Variants in SNTB1 observed in about 807,000 individuals in gnomAD.
SNTB1 encodes syntrophin beta 1.
Under a neutral mutation model 48.9 loss-of-function variants are expected in SNTB1, and 36 were observed. That is an observed-to-expected ratio of 0.74 (90% confidence interval 0.56 to 0.97). The LOEUF (loss-of-function observed/expected upper bound fraction) is 0.97. Ranked by LOEUF, SNTB1 falls within the 50% of genes least tolerant of loss-of-function variation. The pLI is 0.00. For missense variants in SNTB1, 786 were observed against 703.4 expected (o/e 1.12, Z -1.33); for synonymous variants, 299 against 294.6 (o/e 1.01, Z -0.15).
chr8:120,718,651 G>A (rs76188104), intron 1 of SNTB1, among the ~76,000 whole-genome samples: 15,450 of 152,234 alleles, frequency 0.1, 982 homozygotes, highest in East Asian at 0.21. Flanking sequence ...ACTGCTTCCG[G>A]AAGGGGAAGG....
At chr8:120,624,605 T>C (rs990872151) in intron 3 of SNTB1, among the ~76,000 whole-genome samples, 3 of 152,150 alleles carry the variant, frequency 2.0e-5, no homozygotes, top group Admixed American at 2.0e-4. Context: ...ATTCCACGCC[T>C]TCCCCCAAAA....
intron 4 of SNTB1, among the ~76,000 whole-genome samples, chr8:120,554,247 G>C (rs1815527637): frequency 6.6e-6 from 1 of 152,192 alleles, no homozygotes; most frequent in African/African-American, 2.4e-5. Flanking sequence ...TGGGGTAAGT[G>C]TGAATGTGGG....
chr8:120,784,020 G>A (rs145279971), intron 1 of SNTB1, among the ~76,000 whole-genome samples: 2,481 of 152,132 alleles, frequency 0.016, 29 homozygotes, highest in Non-Finnish European at 0.027. Context: ...TTGAGACAGA[G>A]TCTTGCTCTG....
chr8:120,785,854 AAC>A (rs1264170113), intron 1 of SNTB1, among the ~76,000 whole-genome samples: 7 of 152,220 alleles, frequency 4.6e-5, no homozygotes, highest in Admixed American at 3.3e-4. Context: ...CAGGCACAAT[AAC>A]ACAGCACTCA....
At chr8:120,789,035 C>T (rs963157854) in intron 1 of SNTB1, among the ~76,000 whole-genome samples, 2 of 151,972 alleles carry the variant, frequency 1.3e-5, no homozygotes, top group Non-Finnish European at 2.9e-5. Flanking sequence ...GAAACAGTAT[C>T]AAGTATCTTC....
intron 3 of SNTB1, among the ~76,000 whole-genome samples, chr8:120,631,148 A>C (rs549744784): frequency 1.3e-5 from 2 of 152,296 alleles, no homozygotes; most frequent in East Asian, 3.9e-4. Context: ...TAATAAAAAC[A>C]CATGCATTTG....
intron 2 of SNTB1, among the ~76,000 whole-genome samples, chr8:120,678,457 G>A (rs779795065): frequency 1.3e-5 from 2 of 152,170 alleles, no homozygotes; most frequent in Non-Finnish European, 2.9e-5. Context: ...TTCTCTCCCT[G>A]ATACATGGCT....
At chr8:120,590,274 C>T (rs1204403052) in intron 3 of SNTB1, among the ~76,000 whole-genome samples, 1 of 152,204 alleles carries the variant, frequency 6.6e-6, no homozygotes, top group Non-Finnish European at 1.5e-5. Context: ...CCTCAAAATT[C>T]CCTTTTGCCA....
intron 1 of SNTB1, among the ~76,000 whole-genome samples, chr8:120,765,600 C>T (rs773841461): frequency 1.7e-4 from 26 of 152,118 alleles, no homozygotes; most frequent in Non-Finnish European, 3.2e-4. Flanking sequence ...GCAAAAAATG[C>T]ATGCATGCAA....
intron 5 of SNTB1, among the ~76,000 whole-genome samples, chr8:120,547,905 T>A (rs866966475): frequency 2.0e-5 from 3 of 152,296 alleles, no homozygotes; most frequent in African/African-American, 7.2e-5. Flanking sequence ...CTCCTGCTCT[T>A]TTTTACTGCC....
intron 1 of SNTB1, among the ~76,000 whole-genome samples, chr8:120,783,785 C>G (rs1345679505): frequency 6.6e-6 from 1 of 152,036 alleles, no homozygotes; most frequent in Non-Finnish European, 1.5e-5. Flanking sequence ...ATTCAACCAA[C>G]CACAGATGGA....
At chr8:120,549,944 G>A (rs993227589) in intron 4 of SNTB1, among the ~76,000 whole-genome samples, 11 of 152,186 alleles carry the variant, frequency 7.2e-5, no homozygotes, top group African/African-American at 2.2e-4. Context: ...AATGCCAGGT[G>A]TCTAAGCATA....
At chr8:120,593,258 A>C (rs1816272762) in intron 3 of SNTB1, among the ~76,000 whole-genome samples, 1 of 152,190 alleles carries the variant, frequency 6.6e-6, no homozygotes, top group Non-Finnish European at 1.5e-5. Context: ...TGAAGCAGGC[A>C]CCGAAAGGAA....
chr8:120,786,388 G>A (rs548120344), intron 1 of SNTB1, among the ~76,000 whole-genome samples: 3 of 152,270 alleles, frequency 2.0e-5, no homozygotes, highest in African/African-American at 4.8e-5. Context: ...AGAGTCTGGC[G>A]CTCTAGCCCA....
intron 2 of SNTB1, among the ~76,000 whole-genome samples, chr8:120,662,940 C>T (rs1365573232): frequency 6.9e-6 from 1 of 143,962 alleles, no homozygotes; most frequent in African/African-American, 2.6e-5. Flanking sequence ...ACTGGAGATA[C>T]TGAGGCAGAA....
rs184269121 is a variant in SNTB1 at position 120,793,276 on chromosome 8, T to C, written c.571+17997A>G. ...AACCAAATACTTTCAAAGAACAACA[T>C]TGCACCCTAAGAAGAGAGTGATTTA... is the stretch of plus-strand genomic sequence containing the variant. On this transcript the variant is annotated intron_variant, in intron 1 of 6. Coordinates refer to ENST00000517992, the MANE Select transcript of SNTB1 (RefSeq NM_021021.4). 8.6e-4 allele frequency among the ~76,000 whole-genome samples: 131 copies of C among 152,106 alleles called. 1 individual carries two copies. Among genetic ancestry groups the C allele is most frequent in the South Asian group, 4.4e-3 (21 of 4,820 alleles).
intron 2 of SNTB1, among the ~76,000 whole-genome samples, chr8:120,688,815 G>A (rs1475168685): frequency 5.3e-5 from 8 of 152,200 alleles, no homozygotes; most frequent in African/African-American, 1.9e-4. Flanking sequence ...GTTTAGATAT[G>A]AGTGCAGGTG....
rs1815434907 is a variant in SNTB1 at position 120,549,087 on chromosome 8, A to C, written c.1137-129T>G. 50 of 689,408 alleles carry C rather than the reference A, an allele frequency of 7.3e-5. 3 individuals are homozygous for C. In the South Asian group the frequency reaches 1.1e-3, roughly 15 times the overall value. 42.7% of individuals were successfully genotyped at this position (689,408 alleles called of 1,614,324 possible). A position where few individuals can be genotyped will look rare whatever the true frequency, so the allele number is the denominator to read the frequency against. On this transcript the variant is annotated intron_variant, in intron 4 of 6. Coordinates refer to ENST00000517992, the MANE Select transcript of SNTB1 (RefSeq NM_021021.4). Reference sequence around the variant, plus strand: ...TGGTCTGGAATCAAAGGGCTCCACTATACCCTGCTCTTCTGCCATCTCCTC... The same window carrying C: ...TGGTCTGGAATCAAAGGGCTCCACTCTACCCTGCTCTTCTGCCATCTCCTC...
chr8:120,621,700 A>C (rs1226280352), intron 3 of SNTB1, among the ~76,000 whole-genome samples: 5 of 152,206 alleles, frequency 3.3e-5, no homozygotes, highest in Admixed American at 3.3e-4. Flanking sequence ...AATTCTACAC[A>C]GGGCAAGAGA....
Sources: gnomAD v4.1 joint callset for allele counts (sites outside exome capture counted in the v4.1 genomes callset) on GRCh38, gnomAD v4.1.1 for gene constraint, MANE v1.5 for transcripts, NCBI Gene and HGNC (gene_info 2026-07-23, HGNC 2026-07-21) for gene names.